The following MEI4 variants were observed in gnomAD, a reference collection of about 807,000 sequenced individuals.
MEI4 encodes the protein meiotic double-stranded break formation protein 4.
A neutral mutation model predicts 31.4 loss-of-function variants in MEI4; 27 were observed. The observed-to-expected ratio is 0.86, with a 90% CI of 0.63 to 1.19. MEI4 has a LOEUF of 1.19. Ranked by LOEUF, MEI4 falls within the 50% of genes most tolerant of loss-of-function variation. The pLI is 0.00. For synonymous variants in MEI4, 122 were observed against 145.4 expected, an observed-to-expected ratio of 0.84 and a Z score of 1.16; for missense variants, 329 against 398.9, an observed-to-expected ratio of 0.82 and a Z score of 1.49.
At chr6:77,752,838 CACT>C (rs1469380689) in intron 2 of MEI4, among the ~76,000 whole-genome samples, 10 of 152,066 alleles carry the variant, frequency 6.6e-5, no homozygotes, top group African/African-American at 2.4e-4. Context: ...GGAGGCGTCA[CACT>C]ACTACAACTA....
At chr6:77,772,212 A>T (rs1429908937) in intron 3 of MEI4, among the ~76,000 whole-genome samples, 1 of 151,114 alleles carries the variant, frequency 6.6e-6, no homozygotes, top group South Asian at 2.1e-4. Context: ...ACTCATTCTA[A>T]ATGGCCAATA....
intron 2 of MEI4, among the ~76,000 whole-genome samples, chr6:77,714,856 T>A (rs2127661342): frequency 6.6e-6 from 1 of 152,302 alleles, no homozygotes; most frequent in African/African-American, 2.4e-5. Flanking sequence ...ATCAAGTATT[T>A]TTTGCCCTTC....
chr6:77,818,937 T>TA (rs1483526149), intron 3 of MEI4, among the ~76,000 whole-genome samples: 3 of 152,100 alleles, frequency 2.0e-5, no homozygotes, highest in African/African-American at 7.2e-5. Flanking sequence ...AGGGTCTCAC[T>TA]ATGTTGCCCT....
intron 4 of MEI4, among the ~76,000 whole-genome samples, chr6:77,873,370 T>A (rs1771246695): frequency 1.3e-5 from 2 of 152,214 alleles, no homozygotes; most frequent in Non-Finnish European, 2.9e-5. Context: ...TGAGCATTTT[T>A]TTCATGTGTT....
chr6:77,689,407 T>G (rs1769117149), intron 1 of MEI4, among the ~76,000 whole-genome samples: 1 of 152,112 alleles, frequency 6.6e-6, no homozygotes, highest in South Asian at 2.1e-4. Flanking sequence ...TACAGATTTT[T>G]GTGTTCATTA....
chr6:77,729,995 A>T (rs931465930), intron 2 of MEI4, among the ~76,000 whole-genome samples: 5 of 152,062 alleles, frequency 3.3e-5, no homozygotes, highest in African/African-American at 1.2e-4. Context: ...GATGTGAGCA[A>T]TTGGAACTCT....
intron 2 of MEI4, among the ~76,000 whole-genome samples, chr6:77,706,083 C>G (rs1168335151): frequency 2.6e-5 from 4 of 152,150 alleles, no homozygotes; most frequent in Admixed American, 6.5e-5. Context: ...ACTCCTCTTT[C>G]TCCCCAAGGC....
intron 4 of MEI4, among the ~76,000 whole-genome samples, chr6:77,843,777 A>T (rs1770416922): frequency 6.6e-6 from 1 of 152,106 alleles, no homozygotes; most frequent in African/African-American, 2.4e-5. Flanking sequence ...GTCCTTATTT[A>T]AAAAGGATGG....
At chr6:77,747,244 A>G (rs543348110) in intron 2 of MEI4, among the ~76,000 whole-genome samples, 1 of 152,272 alleles carries the variant, frequency 6.6e-6, no homozygotes, top group South Asian at 2.1e-4. Context: ...CCCAGGAAGC[A>G]GAGATTGTAG....
chr6:77,812,228 T>A (rs1379601201), intron 3 of MEI4, among the ~76,000 whole-genome samples: 1 of 152,110 alleles, frequency 6.6e-6, no homozygotes, highest in Admixed American at 6.6e-5. Context: ...TACAAGCAGC[T>A]GTTGCAAACT....
intron 4 of MEI4, among the ~76,000 whole-genome samples, chr6:77,877,198 C>G (rs772450316): frequency 4.6e-5 from 7 of 151,972 alleles, no homozygotes; most frequent in Non-Finnish European, 1.0e-4. Context: ...AATGTAATCA[C>G]AATTCATTCT....
chr6:77,831,264 G>A (rs1770071813), intron 4 of MEI4, among the ~76,000 whole-genome samples: 1 of 151,746 alleles, frequency 6.6e-6, no homozygotes, highest in African/African-American at 2.4e-5. Context: ...ATGTTAGTGA[G>A]GATTTGGAGA....
intron 1 of MEI4, among the ~76,000 whole-genome samples, chr6:77,665,183 A>G (rs966373978): frequency 2.6e-5 from 4 of 151,484 alleles, no homozygotes; most frequent in Non-Finnish European, 4.4e-5. Context: ...AGGCACGGAA[A>G]GGGGTCGAGG....
intron 3 of MEI4, among the ~76,000 whole-genome samples, chr6:77,768,425 T>A (rs1029811429): frequency 6.6e-6 from 1 of 152,036 alleles, no homozygotes; most frequent in Non-Finnish European, 1.5e-5. Context: ...TAGGGCTGGG[T>A]GCGGTGGCTC....
intron 1 of MEI4, among the ~76,000 whole-genome samples, chr6:77,661,506 T>C (rs1167641541): frequency 6.6e-6 from 1 of 152,142 alleles, no homozygotes; most frequent in African/African-American, 2.4e-5. Context: ...GTAAAGTCAA[T>C]CTGCCAGTCC....
At chr6:77,898,528 T>C (rs573360213) in intron 4 of MEI4, among the ~76,000 whole-genome samples, 1 of 152,058 alleles carries the variant, frequency 6.6e-6, no homozygotes, top group Non-Finnish European at 1.5e-5. Context: ...AATTTTCTGC[T>C]CTGTAATATT....
At chr6:77,869,901 A>G (rs1382229142) in intron 4 of MEI4, among the ~76,000 whole-genome samples, 1 of 152,184 alleles carries the variant, frequency 6.6e-6, no homozygotes, top group Non-Finnish European at 1.5e-5. Flanking sequence ...TGGGTACTCA[A>G]TACTTACCTG....
At chr6:77,895,091 T>C (rs1766053172) in intron 4 of MEI4, among the ~76,000 whole-genome samples, 1 of 152,208 alleles carries the variant, frequency 6.6e-6, no homozygotes, top group Non-Finnish European at 1.5e-5. Flanking sequence ...CACAGTGAAA[T>C]ATTGCATTCT....
chr6:77,803,117 T>C (rs1426335843), intron 3 of MEI4, among the ~76,000 whole-genome samples: 1 of 152,180 alleles, frequency 6.6e-6, no homozygotes, highest in Non-Finnish European at 1.5e-5. Context: ...ACCAATCAGT[T>C]GTAGATTTGG....
Sources: allele counts gnomAD v4.1 joint callset (sites outside exome capture counted in the v4.1 genomes callset), GRCh38; gene constraint gnomAD v4.1.1; transcripts MANE v1.5; gene names NCBI Gene and HGNC (gene_info 2026-07-23, HGNC 2026-07-21).